Variants in MAGI2 observed in about 807,000 individuals in gnomAD.
MAGI2 encodes membrane associated guanylate kinase, WW and PDZ domain containing 2, also known as membrane-associated guanylate kinase, WW and PDZ domain-containing protein 2.
MAGI2 carries 35 observed loss-of-function variants against 133.3 expected under a neutral mutation model. That is an observed-to-expected ratio of 0.26 (90% confidence interval 0.20 to 0.35). MAGI2 has a LOEUF of 0.35. MAGI2 is among the 10% of genes least tolerant of loss of function. The probability of loss-of-function intolerance (pLI) is 1.00; values close to 1 mark genes in which losing one functional copy is unlikely to be tolerated. For synonymous variants in MAGI2, 729 were observed against 710.6 expected (o/e 1.03, Z -0.41); for missense variants, 1,636 against 1,863.4 (o/e 0.88, Z 2.25).
At chr7:78,463,193 G>A (rs1157308566) in intron 6 of MAGI2, among the ~76,000 whole-genome samples, 2 of 152,192 alleles carry the variant, frequency 1.3e-5, no homozygotes, top group Non-Finnish European at 2.9e-5. Context: ...TGCTGAGAAG[G>A]GCTGCTGGCA....
In MAGI2 at chr7:78,199,513, C is replaced by A. The variant is rs147503267; in HGVS notation, c.2079+1649G>T. Among the ~76,000 whole-genome samples the A allele has an allele frequency of 1.8e-3, 268 of 152,306 alleles. 1 individual carries two copies. Among genetic ancestry groups the A allele is most frequent in the African/African-American group, 6.1e-3 (254 of 41,560 alleles). ...CATTTTACAGATATAGAACTTGAGA[C>A]TGATAGCTTACGTAGCTAGCTCAAG... On this transcript the variant is annotated intron_variant, in intron 11 of 21. Transcript: ENST00000354212.
intron 2 of MAGI2, among the ~76,000 whole-genome samples, chr7:78,793,846 T>C (rs1787377139): frequency 2.6e-5 from 4 of 152,242 alleles, no homozygotes; most frequent in South Asian, 4.1e-4. Flanking sequence ...GTATATCTCA[T>C]GTACTTCTTG....
chr7:78,854,604 T>A (rs1434201206), intron 2 of MAGI2, among the ~76,000 whole-genome samples: 3 of 151,966 alleles, frequency 2.0e-5, no homozygotes, highest in Admixed American at 6.6e-5. Flanking sequence ...CTTAGTAAAG[T>A]CTTTGTTAAT....
chr7:78,477,606 C>T (rs964702026), intron 6 of MAGI2, among the ~76,000 whole-genome samples: 1 of 151,728 alleles, frequency 6.6e-6, no homozygotes, highest in Non-Finnish European at 1.5e-5. Flanking sequence ...AGGGGAACTC[C>T]CATTTATAAA....
At chr7:78,302,334 A>G (rs1797902641) in intron 9 of MAGI2, among the ~76,000 whole-genome samples, 3 of 152,154 alleles carry the variant, frequency 2.0e-5, no homozygotes, top group Admixed American at 2.0e-4. Context: ...GCAGTTTTTA[A>G]TGCTTAATTT....
chr7:79,151,657 T>C (rs1823258738), intron 1 of MAGI2, among the ~76,000 whole-genome samples: 1 of 152,150 alleles, frequency 6.6e-6, no homozygotes, highest in Non-Finnish European at 1.5e-5. Context: ...GAAATTATTC[T>C]GAAGGGAAAA....
intron 1 of MAGI2, among the ~76,000 whole-genome samples, chr7:79,235,401 C>G (rs1044834148): frequency 5.3e-5 from 8 of 151,878 alleles, no homozygotes; most frequent in Non-Finnish European, 8.8e-5. Flanking sequence ...GCCTCGCTGC[C>G]GCCTTGCAGT....
intron 6 of MAGI2, among the ~76,000 whole-genome samples, chr7:78,385,569 A>C (rs1795307847): frequency 1.3e-5 from 2 of 152,186 alleles, no homozygotes; most frequent in Admixed American, 1.3e-4. Flanking sequence ...GTAATGTCCA[A>C]ATTCAACCAT....
At chr7:79,449,242 C>CTT (rs1849066445) in intron 1 of MAGI2, among the ~76,000 whole-genome samples, 1 of 152,008 alleles carries the variant, frequency 6.6e-6, no homozygotes, top group East Asian at 1.9e-4. Context: ...ATCTACTTTC[C>CTT]TTTGAAGGTA....
intron 21 of MAGI2, among the ~76,000 whole-genome samples, chr7:78,067,452 C>T (rs1304788340): frequency 6.6e-6 from 1 of 152,144 alleles, no homozygotes; most frequent in Admixed American, 6.5e-5. Flanking sequence ...GTGTATGTGT[C>T]CAATCCTAAA....
Position 78,497,766 on chromosome 7 carries a change from T to TCTGTCTGTCTGTCTGTCTATCTATCTA in MAGI2, c.965+3810_965+3811insTAGATAGATAGACAGACAGACAGACAG, listed in dbSNP as rs1385517709. Reference sequence around the variant, plus strand: ...TATCTATCTATCTATCTATCTATCTTTCTATCTTATACACAGAACCAAAGA... The same window carrying TCTGTCTGTCTGTCTGTCTATCTATCTA: ...TATCTATCTATCTATCTATCTATCTTCTGTCTGTCTGTCTGTCTATCTATCTATCTATCTTATACACAGAACCAAAGA... On this transcript the variant is annotated intron_variant, in intron 5 of 21. Coordinates refer to ENST00000354212, the MANE Select transcript of MAGI2 (RefSeq NM_012301.4). Among the ~76,000 whole-genome samples the TCTGTCTGTCTGTCTGTCTATCTATCTA allele has an allele frequency of 2.1e-4, 28 of 135,312 alleles. 1 individual carries two copies. Among genetic ancestry groups the TCTGTCTGTCTGTCTGTCTATCTATCTA allele is most frequent in the African/African-American group, 6.1e-4 (23 of 37,416 alleles). The allele number at this position is 135,312 out of a possible 152,430, so 88.8% of individuals were successfully genotyped here. A position where few individuals can be genotyped will look rare whatever the true frequency, so the allele number is the denominator to read the frequency against.
chr7:78,203,763 A>G (rs1232983584), intron 10 of MAGI2, among the ~76,000 whole-genome samples: 5 of 152,230 alleles, frequency 3.3e-5, no homozygotes, highest in Admixed American at 3.3e-4. Context: ...TCAAATTATT[A>G]ATCATGTTAC....
At chr7:78,343,997 A>G in intron 8 of MAGI2, 37 bp from the exon 9 acceptor site, 1 of 1,581,780 alleles carries the variant, frequency 6.3e-7, no homozygotes, top group Non-Finnish European at 8.6e-7. Context: ...AGAAAAAGGC[A>G]TGTTCAAGTC....
At chr7:79,008,383 A>G (rs1051338774) in intron 1 of MAGI2, among the ~76,000 whole-genome samples, 5 of 152,148 alleles carry the variant, frequency 3.3e-5, no homozygotes, top group African/African-American at 9.7e-5. Context: ...ACATATTGTA[A>G]CATTTCTAAA....
chr7:78,943,506 C>T (rs1438928182), intron 2 of MAGI2, among the ~76,000 whole-genome samples: 1 of 152,116 alleles, frequency 6.6e-6, no homozygotes, highest in Non-Finnish European at 1.5e-5. Context: ...AGTGAAATGG[C>T]CTCATTATAC....
At chr7:79,098,566 T>C (rs1308472840) in intron 1 of MAGI2, among the ~76,000 whole-genome samples, 14 of 152,162 alleles carry the variant, frequency 9.2e-5, no homozygotes, top group Admixed American at 5.2e-4. Context: ...AACTTCGGAG[T>C]GCTGAGGAGC....
At chr7:79,150,971 TGGGCTC>T (rs1201837688) in intron 1 of MAGI2, among the ~76,000 whole-genome samples, 1 of 152,140 alleles carries the variant, frequency 6.6e-6, no homozygotes, top group Non-Finnish European at 1.5e-5. Flanking sequence ...TCACTTAAAC[TGGGCTC>T]ACAGCGTTTT....
At chr7:78,203,348 C>T (rs560213051) in intron 10 of MAGI2, among the ~76,000 whole-genome samples, 5 of 152,260 alleles carry the variant, frequency 3.3e-5, no homozygotes, top group South Asian at 2.1e-4. Context: ...GATTTTCCCT[C>T]CTATAGAAAA....
intron 1 of MAGI2, among the ~76,000 whole-genome samples, chr7:79,358,589 T>G (rs2129119338): frequency 6.6e-6 from 1 of 152,234 alleles, no homozygotes; most frequent in African/African-American, 2.4e-5. Context: ...TCTAGAAAAC[T>G]TAGCTTTCCC....
Sources: gnomAD v4.1 joint callset for allele counts (sites outside exome capture counted in the v4.1 genomes callset) on GRCh38, gnomAD v4.1.1 for gene constraint, MANE v1.5 for transcripts, NCBI Gene and HGNC (gene_info 2026-07-23, HGNC 2026-07-21) for gene names.